The following GPC6 variants were observed in gnomAD, a reference collection of about 807,000 sequenced individuals.
GPC6 encodes the protein glypican-6.
A neutral mutation model predicts 55.2 loss-of-function variants in GPC6; 14 were observed. The ratio of observed to expected loss-of-function variants is 0.25; its 90% CI spans 0.17 to 0.40. GPC6 has a LOEUF of 0.40. Ranked by LOEUF, GPC6 falls within the 10% of genes least tolerant of loss-of-function variation. The pLI is 1.00. For missense variants in GPC6, 641 were observed against 708.5 expected (o/e 0.90, Z 1.08); for synonymous variants, 278 against 259.6 (o/e 1.07, Z -0.68).
chr13:94,019,952 T>G (rs943165195), intron 3 of GPC6, among the ~76,000 whole-genome samples: 1 of 152,212 alleles, frequency 6.6e-6, no homozygotes, highest in Non-Finnish European at 1.5e-5. Context: ...TTGGTTGATC[T>G]TTTCAAAGAA....
In GPC6 at chr13:94,403,460, C is replaced by T; in HGVS notation, c.*243C>T. ...TTGTTTATTCTAGAGAGAATTCTTACTCAAATTTTTCGTACCAGGAGATTT... is the reference window on the plus strand; with the variant it reads ...TTGTTTATTCTAGAGAGAATTCTTATTCAAATTTTTCGTACCAGGAGATTT... On this transcript the variant is annotated 3_prime_UTR_variant, in exon 9 of 9. Coordinates refer to ENST00000377047, the MANE Select transcript of GPC6 (RefSeq NM_005708.5). 1.9e-6 allele frequency: 1 copy of T among 526,580 alleles called. No individual in the cohort carries two copies. Among genetic ancestry groups the T allele is most frequent in the Non-Finnish European group, 3.4e-6 (1 of 291,880 alleles). 32.6% of individuals were successfully genotyped at this position (526,580 alleles called of 1,614,324 possible).
chr13:94,242,386 A>G (rs1410309382), intron 4 of GPC6, among the ~76,000 whole-genome samples: 1 of 152,100 alleles, frequency 6.6e-6, no homozygotes, highest in Non-Finnish European at 1.5e-5. Flanking sequence ...CAGCCATCCC[A>G]GTACTGAGTA....
intron 4 of GPC6, among the ~76,000 whole-genome samples, chr13:94,072,520 A>G (rs1263605521): frequency 6.6e-6 from 1 of 152,134 alleles, no homozygotes; most frequent in Admixed American, 6.5e-5. Context: ...CGTCCGGCTA[A>G]TTTTTGTATT....
intron 2 of GPC6, among the ~76,000 whole-genome samples, chr13:93,564,366 ATTTGGGGAATGAAAATAGTC>A (rs1322644240): frequency 2.0e-5 from 3 of 152,126 alleles, no homozygotes; most frequent in Admixed American, 6.6e-5. Context: ...ATGGTATTTG[ATTTGGGGAATGAAAATAGTC>A]TTTGGGAGCA....
At chr13:93,606,314 C>T (rs764821142) in intron 2 of GPC6, among the ~76,000 whole-genome samples, 1 of 152,136 alleles carries the variant, frequency 6.6e-6, no homozygotes, top group Non-Finnish European at 1.5e-5. Flanking sequence ...GACACATAGA[C>T]ACTAAGGATT....
chr13:93,886,488 A>T (rs1219813625), intron 3 of GPC6, among the ~76,000 whole-genome samples: 1 of 151,982 alleles, frequency 6.6e-6, no homozygotes, highest in Admixed American at 6.6e-5. Flanking sequence ...TTAAGGTAAA[A>T]AACGAAAAAA....
At chr13:93,325,558 T>C (rs1390963938) in intron 1 of GPC6, among the ~76,000 whole-genome samples, 1 of 152,130 alleles carries the variant, frequency 6.6e-6, no homozygotes, top group African/African-American at 2.4e-5. Flanking sequence ...GTTTGATTTT[T>C]AGGCTATGGG....
intron 2 of GPC6, among the ~76,000 whole-genome samples, chr13:93,800,036 A>C (rs1393700756): frequency 6.6e-6 from 1 of 152,110 alleles, no homozygotes; most frequent in Non-Finnish European, 1.5e-5. Flanking sequence ...TTCATTTCTC[A>C]TCCATTAACA....
At position 93,599,368 on chromosome 13, in the gene GPC6, C is replaced by T. The variant is rs1468378005; in HGVS notation, c.319+53947C>T. Among the ~76,000 whole-genome samples, 76 of 151,084 alleles carry T rather than the reference C, an allele frequency of 5.0e-4. 1 individual carries two copies. Among genetic ancestry groups the T allele is most frequent in the Non-Finnish European group, 1.3e-4 (9 of 67,920 alleles). The stretch of plus-strand genomic sequence containing the variant: ...CTGAGATTTGTTGGCAGCTCAAATC[C>T]AACTATTTGCTTATAGAGATCTGTT... On this transcript the variant is annotated intron_variant, in intron 2 of 8. Transcript: ENST00000377047.
intron 1 of GPC6, among the ~76,000 whole-genome samples, chr13:93,420,833 C>T (rs185317675): frequency 6.6e-6 from 1 of 152,148 alleles, no homozygotes; most frequent in Non-Finnish European, 1.5e-5. Flanking sequence ...GGATCTTACT[C>T]TCATGGAGTT....
At chr13:93,809,196 C>G (rs4773764) in intron 2 of GPC6, among the ~76,000 whole-genome samples, 36,468 of 152,080 alleles carry the variant, frequency 0.24, 4,837 homozygotes, top group East Asian at 0.35. Context: ...ACATTGCATT[C>G]TCTGCCAAGT....
Position 93,867,093 on chromosome 13 carries a change from A to AT in GPC6, c.711+36557dup, listed in dbSNP as rs200486919. ...CTGAAATGTATATCTCAGTATGTTG[A>AT]TTTTTTTTTAAGTGAGGCTATTTCC... On this transcript the variant is annotated intron_variant, in intron 3 of 8. Transcript: ENST00000377047. 4.8e-3 allele frequency among the ~76,000 whole-genome samples: 723 copies of AT among 150,936 alleles called. 9 individuals carry two copies. The highest frequency in any genetic ancestry group is 0.016 in the African/African-American group (673 of 41,204).
At chr13:93,228,755 A>G (rs559742446) in intron 1 of GPC6, among the ~76,000 whole-genome samples, 79 of 152,326 alleles carry the variant, frequency 5.2e-4, no homozygotes, top group Non-Finnish European at 9.1e-4. Context: ...TCGTCAAGTC[A>G]AAACGCTGAA....
intron 4 of GPC6, among the ~76,000 whole-genome samples, chr13:94,117,243 GCA>G (rs1886466556): frequency 6.6e-6 from 1 of 152,060 alleles, no homozygotes; most frequent in South Asian, 2.1e-4. Flanking sequence ...TCTGCTTTTA[GCA>G]CCAGACACAT....
intron 3 of GPC6, among the ~76,000 whole-genome samples, chr13:93,958,688 G>T (rs900419753): frequency 6.6e-6 from 1 of 151,874 alleles, no homozygotes; most frequent in Non-Finnish European, 1.5e-5. Flanking sequence ...GCTCTTTTTT[G>T]GTTCCAAATT....
intron 2 of GPC6, among the ~76,000 whole-genome samples, chr13:93,624,447 A>G (rs1879107644): frequency 6.6e-6 from 1 of 152,226 alleles, no homozygotes; most frequent in Admixed American, 6.5e-5. Context: ...AATCTGTGTT[A>G]TCTTAAACTT....
At chr13:93,519,924 A>G (rs1279470601) in intron 1 of GPC6, among the ~76,000 whole-genome samples, 1 of 152,000 alleles carries the variant, frequency 6.6e-6, no homozygotes, top group Non-Finnish European at 1.5e-5. Context: ...ATCAGCTAAG[A>G]ATTGTATTAA....
rs114101868 is a variant in GPC6, at chr13:94,097,704, A to G, written c.877+69810A>G. ...TTGTATCACATTAAAGAGAAATGCA[A>G]CACAGTTGGGGAATAAATTATTAGG... On this transcript the variant is annotated intron_variant, in intron 4 of 8. Transcript: ENST00000377047. 8.3e-3 allele frequency among the ~76,000 whole-genome samples: 1,266 copies of G among 152,272 alleles called. 22 individuals carry two copies. Among genetic ancestry groups the G allele is most frequent in the African/African-American group, 0.029 (1,204 of 41,564 alleles).
At chr13:94,052,378 G>A (rs1334985193) in intron 4 of GPC6, among the ~76,000 whole-genome samples, 1 of 152,134 alleles carries the variant, frequency 6.6e-6, no homozygotes, top group Non-Finnish European at 1.5e-5. Context: ...AGGTGGGTTG[G>A]CAGGGAAGGA....
Sources: allele counts gnomAD v4.1 joint callset (sites outside exome capture counted in the v4.1 genomes callset), GRCh38; gene constraint gnomAD v4.1.1; transcripts MANE v1.5; gene names NCBI Gene and HGNC (gene_info 2026-07-23, HGNC 2026-07-21).